The following RGS12 variants were observed in gnomAD, a reference collection of about 807,000 sequenced individuals.
RGS12 encodes regulator of G-protein signaling 12.
A neutral mutation model predicts 120.1 loss-of-function variants in RGS12; 66 were observed. The observed-to-expected ratio is 0.55, with a 90% CI of 0.45 to 0.67. The LOEUF is 0.67. RGS12 is among the 30% of genes least tolerant of loss of function. The probability of loss-of-function intolerance (pLI) is 0.00; values close to 1 mark genes in which losing one functional copy is unlikely to be tolerated. For missense variants in RGS12, 1,859 were observed against 1,957.7 expected (o/e 0.95, Z 0.95); for synonymous variants, 827 against 804.7 (o/e 1.03, Z -0.47).
At chr4:3,308,613 C>T (rs1007999604) in intron 1 of RGS12, among the ~76,000 whole-genome samples, 9 of 152,222 alleles carry the variant, frequency 5.9e-5, no homozygotes, top group African/African-American at 2.2e-4. Flanking sequence ...CTAAGGCCCA[C>T]GCACCTGCAG....
chr4:3,429,135 T>C (rs1203112), intron 16 of RGS12, among the ~76,000 whole-genome samples: 117,930 of 152,166 alleles, frequency 0.78, 47,312 homozygotes, highest in East Asian at 0.91. Context: ...AGCACACTGG[T>C]CTGGAAGGAC....
At chr4:3,315,333 T>C (rs893348506) in intron 1 of RGS12, among the ~76,000 whole-genome samples, 1 of 152,244 alleles carries the variant, frequency 6.6e-6, no homozygotes, top group Non-Finnish European at 1.5e-5. Context: ...CTGACAAGTT[T>C]GTTCTCAATG....
At chr4:3,353,308 A>G (rs2749776) in intron 3 of RGS12, among the ~76,000 whole-genome samples, 35,385 of 152,168 alleles carry the variant, frequency 0.23, 4,726 homozygotes, top group South Asian at 0.35. Context: ...AAAAGAAGGC[A>G]TTCCTAGATC....
chr4:3,324,347 G>A (rs1725417905), intron 2 of RGS12: 2 of 177,856 alleles, frequency 1.1e-5, no homozygotes, highest in Non-Finnish European at 2.4e-5. Flanking sequence ...GGTTGTGACA[G>A]TATCAACCCC....
At chr4:3,295,327 C>G (rs193074729) in intron 1 of RGS12, among the ~76,000 whole-genome samples, 1 of 152,088 alleles carries the variant, frequency 6.6e-6, no homozygotes. Flanking sequence ...ATCACATTGA[C>G]TTTGGACCTT....
In RGS12 at chr4:3,316,493, A is replaced by T; in HGVS notation, c.323A>T (p.Asp108Val). 6.2e-7 allele frequency: 1 copy of T among 1,614,172 alleles called. No homozygotes were observed. The highest frequency in any genetic ancestry group is 8.5e-7 in the Non-Finnish European group (1 of 1,180,034). The change falls in exon 2 of 18, where the codon GAT (aspartate) becomes GTT (valine). Residue 108 changes from aspartate (D) to valine (V), a missense_variant. By Grantham distance (152) the Asp-to-Val change is radical. Transcript: ENST00000336727. ...GGCCGCTTCGAATCCTGTTCCAGTG[A>T]TGAAGAAGGGGGACTCTATGAAGGA... ...GVGRFESCSS[D>V]EEGGLYEGKG...
chr4:3,309,129 CTCGGG>C lies in RGS12; in HGVS notation c.-101-6940_-101-6936del, dbSNP rs1724148500. Among the ~76,000 whole-genome samples the C allele has an allele frequency of 1.4e-4, 13 of 93,488 alleles. 2 individuals are homozygous for C. Among genetic ancestry groups the C allele is most frequent in the African/African-American group, 5.9e-4 (13 of 22,218 alleles). The allele number at this position is 93,488 out of a possible 152,430, so 61.3% of individuals were successfully genotyped here. On this transcript the variant is annotated intron_variant, in intron 1 of 17. Coordinates refer to ENST00000336727, the MANE Select transcript of RGS12 (RefSeq NM_001394154.1). ...GAACCGTGTTGAGGAGGAGCTGGGA[CTCGGG>C]AATGGCAGGTGTCTGCTGAGGGGAA...
intron 11 of RGS12, 94 bp downstream of exon 11, chr4:3,422,664 C>T: frequency 7.4e-7 from 1 of 1,350,532 alleles, no homozygotes; most frequent in Non-Finnish European, 1.0e-6. Context: ...GCTGCCCCCT[C>T]CTGCGCTCCT....
chr4:3,373,560 C>T (rs550754835), intron 3 of RGS12, among the ~76,000 whole-genome samples: 3 of 152,330 alleles, frequency 2.0e-5, no homozygotes, highest in South Asian at 2.1e-4. Flanking sequence ...TCACTGACCG[C>T]GTCTCTTAAA....
chr4:3,435,883 C>T (rs1184896369), intron 17 of RGS12, among the ~76,000 whole-genome samples: 2 of 152,208 alleles, frequency 1.3e-5, no homozygotes, highest in African/African-American at 2.4e-5. Flanking sequence ...TCTCAGCCCG[C>T]ACTGCTGGAG....
chr4:3,389,332 C>T lies in RGS12; in HGVS notation c.2020+2895C>T, dbSNP rs1719214787. On this transcript the variant is annotated intron_variant, in intron 4 of 17. Transcript: ENST00000336727. The surrounding 1 kb of genome is among the most constrained non-coding windows in gnomAD (Gnocchi z 5.2). ...GTGGGTGGGGGCAGGGAGCAGATTC[C>T]AGCTGGAGAGAAGGAAGCACATTCT... Among the ~76,000 whole-genome samples the T allele has an allele frequency of 6.6e-6, 1 of 152,082 alleles. No individual in the cohort carries two copies. The highest frequency in any genetic ancestry group is 2.1e-4 in the South Asian group (1 of 4,818).
rs1019702493 is a variant in RGS12, at chr4:3,372,879, A to G, written c.1999-13537A>G. 1.3e-5 allele frequency among the ~76,000 whole-genome samples: 2 copies of G among 152,236 alleles called. No individual in the cohort carries two copies. The highest frequency in any genetic ancestry group is 2.9e-5 in the Non-Finnish European group (2 of 68,042). ...CCTTCAGGCATTGACGTTCTGTTTA[A>G]TATTTTAAAAATCTTTAAAAAGGGT... On this transcript the variant is annotated intron_variant, in intron 3 of 17. Transcript: ENST00000336727. This position sits in a 1 kb window ranked among gnomAD's most constrained non-coding sequence, Gnocchi z 4.3.
At chr4:3,331,233 C>T (rs1711803229) in intron 2 of RGS12, among the ~76,000 whole-genome samples, 2 of 152,022 alleles carry the variant, frequency 1.3e-5, no homozygotes, top group Admixed American at 6.6e-5. Flanking sequence ...TTTTAAAGTG[C>T]ACATATGTTT....
chr4:3,342,001 T>C (rs994438511), intron 2 of RGS12, among the ~76,000 whole-genome samples: 2 of 150,156 alleles, frequency 1.3e-5, no homozygotes. Context: ...TGTGTCAGCG[T>C]GGTGGTCAAG....
At chr4:3,419,688 C>A (rs1048740382) in intron 9 of RGS12, among the ~76,000 whole-genome samples, 3 of 151,806 alleles carry the variant, frequency 2.0e-5, no homozygotes, top group Non-Finnish European at 4.4e-5. Context: ...AGTGTGGTGG[C>A]GCACCTGTTG....
intron 3 of RGS12, among the ~76,000 whole-genome samples, chr4:3,360,783 A>G (rs978050973): frequency 4.6e-5 from 7 of 152,226 alleles, no homozygotes; most frequent in Non-Finnish European, 7.3e-5. Context: ...GCGAGAGGAC[A>G]GTGCGGCTAA....
At chr4:3,423,753 G>T in intron 13 of RGS12, 112 bp downstream of exon 13, 3 of 1,363,958 alleles carry the variant, frequency 2.2e-6, no homozygotes, top group Middle Eastern at 5.3e-4. Context: ...GTCTTCCCCT[G>T]ATCTGGTTGT....
intron 10 of RGS12, 86 bp downstream of exon 10, chr4:3,420,804 T>C (rs1722937340): frequency 8.5e-7 from 1 of 1,171,414 alleles, no homozygotes; most frequent in Admixed American, 2.2e-5. Flanking sequence ...TGGAAACCTG[T>C]GTTTACAAAA....
At chr4:3,420,772 G>T in intron 10 of RGS12, 54 bp downstream of exon 10, 1 of 1,385,990 alleles carries the variant, frequency 7.2e-7, no homozygotes, top group South Asian at 1.2e-5. Context: ...CCCACCAGCT[G>T]ACTGATGACA....
Sources: allele counts gnomAD v4.1 joint callset (sites outside exome capture counted in the v4.1 genomes callset), GRCh38; gene constraint gnomAD v4.1.1; non-coding constraint Gnocchi (gnomAD v3.1); transcripts MANE v1.5; gene names NCBI Gene and HGNC (gene_info 2026-07-23, HGNC 2026-07-21).